The following DLGAP1 variants were observed in gnomAD, a reference collection of about 807,000 sequenced individuals.
DLGAP1 encodes disks large-associated protein 1.
Under a neutral mutation model 90.8 loss-of-function variants are expected in DLGAP1, and 11 were observed. That is an observed-to-expected ratio of 0.12 (90% confidence interval 0.08 to 0.20). The LOEUF is 0.20. Ranked by LOEUF, DLGAP1 falls within the 10% of genes least tolerant of loss-of-function variation. DLGAP1 has a pLI of 1.00. For synonymous variants in DLGAP1, 558 were observed against 540.7 expected (o/e 1.03, Z -0.44); for missense variants, 1,050 against 1,333.8 (o/e 0.79, Z 3.31).
intron 3 of DLGAP1, among the ~76,000 whole-genome samples, chr18:3,942,799 C>T (rs1297798366): frequency 1.3e-5 from 2 of 152,060 alleles, no homozygotes; most frequent in Non-Finnish European, 2.9e-5. Context: ...AAAAATGTTT[C>T]CAAAAATTAT....
rs76560191 is a variant in DLGAP1, at chr18:3,615,885, C to T, written c.1592-33637G>A. On this transcript the variant is annotated intron_variant, in intron 7 of 12. Coordinates refer to ENST00000315677, the MANE Select transcript of DLGAP1 (RefSeq NM_004746.4). ...AGGAATTTTTGCAAACATTTCTTCC[C>T]TCAAGGGTAAGAAATGTGTATTTTA... 4.4e-3 allele frequency among the ~76,000 whole-genome samples: 670 copies of T among 152,226 alleles called. 6 individuals carry two copies. The highest frequency in any genetic ancestry group is 0.015 in the African/African-American group (627 of 41,520).
At chr18:4,208,956 C>T (rs28401547) in intron 1 of DLGAP1, among the ~76,000 whole-genome samples, 1,525 of 152,190 alleles carry the variant, frequency 0.01, 31 homozygotes, top group African/African-American at 0.034. Context: ...TCCCACGTGA[C>T]CACAACCACT....
chr18:3,588,260 G>A (rs2056011386), intron 7 of DLGAP1, among the ~76,000 whole-genome samples: 1 of 152,146 alleles, frequency 6.6e-6, no homozygotes, highest in African/African-American at 2.4e-5. Context: ...GGGAGTTCGA[G>A]ACCAGCCTGA....
At chr18:3,794,784 A>G (rs1568146177) in intron 5 of DLGAP1, among the ~76,000 whole-genome samples, 1 of 152,250 alleles carries the variant, frequency 6.6e-6, no homozygotes, top group Non-Finnish European at 1.5e-5. Flanking sequence ...CAATCTATTC[A>G]GCAGCGGAGG....
At chr18:3,513,180 C>T (rs1204607643) in intron 10 of DLGAP1, among the ~76,000 whole-genome samples, 1 of 152,220 alleles carries the variant, frequency 6.6e-6, no homozygotes, top group East Asian at 1.9e-4. Context: ...CAGGCTCATC[C>T]ATGTTGTTGC....
chr18:4,266,691 G>A (rs965895514), intron 1 of DLGAP1, among the ~76,000 whole-genome samples: 2 of 152,218 alleles, frequency 1.3e-5, no homozygotes, highest in Non-Finnish European at 2.9e-5. Flanking sequence ...TTGCTGGAAA[G>A]TCAAAACTAA....
intron 7 of DLGAP1, among the ~76,000 whole-genome samples, chr18:3,599,845 T>C (rs1236634767): frequency 6.6e-6 from 1 of 151,974 alleles, no homozygotes; most frequent in Non-Finnish European, 1.5e-5. Flanking sequence ...TCTCGATCTC[T>C]TGACCTTGTG....
chr18:4,395,875 T>C (rs535671987), intron 1 of DLGAP1, among the ~76,000 whole-genome samples: 4 of 152,314 alleles, frequency 2.6e-5, no homozygotes, highest in African/African-American at 9.6e-5. Flanking sequence ...AACATGTTCC[T>C]AAACCCCACG....
chr18:4,108,707 T>C (rs990289061), intron 2 of DLGAP1, among the ~76,000 whole-genome samples: 2 of 152,220 alleles, frequency 1.3e-5, no homozygotes, highest in Non-Finnish European at 2.9e-5. Context: ...TAAAGCAACT[T>C]TAGGCAGCAT....
rs374773371 is a variant in DLGAP1 at position 3,600,793 on chromosome 18, G to GAT, written c.1592-18547_1592-18546dup. Among the ~76,000 whole-genome samples, 163 of 29,140 alleles carry GAT rather than the reference G, an allele frequency of 5.6e-3. 6 individuals are homozygous for GAT. Among genetic ancestry groups the GAT allele is most frequent in the African/African-American group, 9.2e-3 (52 of 5,676 alleles). The allele number at this position is 29,140 out of a possible 152,430, so 19.1% of individuals were successfully genotyped here. ...ATATATAGATATATAGATATATATA[G>GAT]ATATATAGATATATAGATATATATA... On this transcript the variant is annotated intron_variant, in intron 7 of 12. Transcript: ENST00000315677.
intron 1 of DLGAP1, among the ~76,000 whole-genome samples, chr18:4,253,291 AGCAG>A (rs1327550770): frequency 6.6e-6 from 1 of 152,226 alleles, no homozygotes; most frequent in African/African-American, 2.4e-5. Flanking sequence ...CAAAAGAATA[AGCAG>A]TGGGGTTATG....
intron 2 of DLGAP1, among the ~76,000 whole-genome samples, chr18:4,139,300 T>C (rs899532805): frequency 2.6e-5 from 4 of 151,972 alleles, no homozygotes; most frequent in Admixed American, 2.6e-4. Flanking sequence ...CTGTATCACA[T>C]AGGCTTTCAT....
chr18:4,153,898 TG>T (rs2076713013), intron 1 of DLGAP1, among the ~76,000 whole-genome samples: 1 of 152,184 alleles, frequency 6.6e-6, no homozygotes. Flanking sequence ...GGCCCATAAC[TG>T]GGACTGTGAG....
intron 7 of DLGAP1, among the ~76,000 whole-genome samples, chr18:3,629,508 A>G (rs1009236279): frequency 6.6e-6 from 1 of 151,972 alleles, no homozygotes; most frequent in African/African-American, 2.4e-5. Context: ...TGTCTCTACT[A>G]AAAATACAAA....
chr18:4,183,219 A>G (rs550567963), intron 1 of DLGAP1, among the ~76,000 whole-genome samples: 17 of 152,308 alleles, frequency 1.1e-4, no homozygotes, highest in Admixed American at 3.9e-4. Flanking sequence ...TTTTGTGCAT[A>G]GCTTGATGAC....
intron 7 of DLGAP1, among the ~76,000 whole-genome samples, chr18:3,606,005 C>T (rs1181587048): frequency 2.0e-5 from 3 of 151,708 alleles, no homozygotes; most frequent in East Asian, 1.9e-4. Flanking sequence ...CTAGGCAGGT[C>T]GGGACATTAA....
chr18:4,298,589 C>G (rs1347533218), intron 1 of DLGAP1, among the ~76,000 whole-genome samples: 2 of 149,028 alleles, frequency 1.3e-5, no homozygotes, highest in Non-Finnish European at 3.0e-5. Context: ...CACATGGACA[C>G]AGGAAGGGGA....
chr18:3,921,739 T>C (rs1320587407), intron 3 of DLGAP1, among the ~76,000 whole-genome samples: 1 of 152,194 alleles, frequency 6.6e-6, no homozygotes, highest in Non-Finnish European at 1.5e-5. Context: ...TAGAGCCAAC[T>C]ATTTCCTCAT....
At chr18:4,298,115 G>C (rs1357234512) in intron 1 of DLGAP1, among the ~76,000 whole-genome samples, 1 of 152,074 alleles carries the variant, frequency 6.6e-6, no homozygotes, top group Non-Finnish European at 1.5e-5. Flanking sequence ...CGGGCGATTG[G>C]CTCCATGACC....
Sources: allele counts gnomAD v4.1 joint callset (sites outside exome capture counted in the v4.1 genomes callset), GRCh38; gene constraint gnomAD v4.1.1; transcripts MANE v1.5; gene names NCBI Gene and HGNC (gene_info 2026-07-23, HGNC 2026-07-21).